PCDHGA4: variants seen among roughly 807,000 people sequenced by gnomAD.
The protein encoded by PCDHGA4 is protocadherin gamma subfamily A, 4, also known as protocadherin gamma-A4.
In PCDHGA4, 38 loss-of-function variants were observed where a neutral mutation model predicts 54.6. The observed-to-expected ratio is 0.70, with a 90% confidence interval of 0.54 to 0.91. The LOEUF (loss-of-function observed/expected upper bound fraction) is 0.91, where lower values mean the gene tolerates loss of function less well. PCDHGA4 is among the 40% of genes least tolerant of loss of function. PCDHGA4 has a pLI of 0.00. For synonymous variants in PCDHGA4, 511 were observed against 512.9 expected, an observed-to-expected ratio of 1.00 and a Z score of 0.05; for missense variants, 1,298 against 1,220.9, an observed-to-expected ratio of 1.06 and a Z score of -0.94.
chr5:141,427,798 T>A, intron 1 of PCDHGA4: 1 of 1,506,550 alleles, frequency 6.6e-7, no homozygotes. Context: ...TACGTGTCCG[T>A]GAGCGCACAG....
intron 1 of PCDHGA4, among the ~76,000 whole-genome samples, chr5:141,380,646 A>T (rs1221627488): frequency 6.6e-6 from 1 of 152,256 alleles, no homozygotes; most frequent in Non-Finnish European, 1.5e-5. Context: ...AATGCTAGAG[A>T]CAATGAAGCC....
rs777856819 is a variant in PCDHGA4, at chr5:141,487,572, T to A, written c.2515-7235T>A. On this transcript the variant is annotated intron_variant, in intron 1 of 3. Coordinates refer to ENST00000571252, the MANE Select transcript of PCDHGA4 (RefSeq NM_018917.4). The surrounding 1 kb of genome is among the most constrained non-coding windows in gnomAD (Gnocchi z 5.0). ...AGTGCACCTATGGCAGGGGAGCCTG[T>A]TCGCCCAAGCTGCCCACCCTCTGAT... 1 of 1,614,168 alleles carries A rather than the reference T, an allele frequency of 6.2e-7. No individual in the cohort carries two copies. Among genetic ancestry groups the A allele is most frequent in the Non-Finnish European group, 8.5e-7 (1 of 1,180,034 alleles).
chr5:141,418,578 CAGTGTT>C, intron 1 of PCDHGA4: 1 of 1,614,040 alleles, frequency 6.2e-7, no homozygotes, highest in African/African-American at 1.3e-5. Flanking sequence ...GACAACCCCC[CAGTGTT>C]CAGCCAGGAC....
At chr5:141,393,650 C>T in intron 1 of PCDHGA4, 2 of 1,613,904 alleles carry the variant, frequency 1.2e-6, no homozygotes, top group South Asian at 1.1e-5. Flanking sequence ...AAGTGGCATA[C>T]AAATTCCGGA....
chr5:141,365,116 C>G (rs1763746744), intron 1 of PCDHGA4: 1 of 1,613,900 alleles, frequency 6.2e-7, no homozygotes, highest in Non-Finnish European at 8.5e-7. Flanking sequence ...CTCGGCTGCT[C>G]ATGCTAACCG....
intron 1 of PCDHGA4, chr5:141,420,339 T>C: frequency 7.2e-7 from 1 of 1,395,458 alleles, no homozygotes; most frequent in Non-Finnish European, 9.6e-7. Context: ...TCCAATATAG[T>C]GGTATTATTT....
chr5:141,359,700 A>T (rs1336602440), intron 1 of PCDHGA4, among the ~76,000 whole-genome samples: 1 of 152,144 alleles, frequency 6.6e-6, no homozygotes, highest in Non-Finnish European at 1.5e-5. Flanking sequence ...CTCCGGAAGG[A>T]TACCTAAGAA....
intron 1 of PCDHGA4, among the ~76,000 whole-genome samples, chr5:141,443,690 A>C (rs2098399415): frequency 6.6e-6 from 1 of 152,224 alleles, no homozygotes; most frequent in Non-Finnish European, 1.5e-5. Flanking sequence ...AACACTTCAA[A>C]AATTATAGAA....
At chr5:141,442,006 G>T (rs540427406) in intron 1 of PCDHGA4, 2 of 229,074 alleles carry the variant, frequency 8.7e-6, no homozygotes, top group South Asian at 4.9e-5. Flanking sequence ...CTGACAGCTC[G>T]CACGATGGGC....
rs1760047628 is a variant in PCDHGA4 at position 141,355,929 on chromosome 5, T to G, written c.822T>G (p.Thr274=). The part of the protein sequence containing the change: ...VDTNDNAPVF[T]QPEYHVSVRE... ...CCAACGATAATGCTCCCGTGTTCAC[T>G]CAGCCCGAGTACCACGTAAGTGTTC... The change falls in exon 1 of 4, where the codon ACT becomes ACG. Residue 274 remains threonine, a synonymous_variant. Transcript: ENST00000571252. 6.2e-7 allele frequency: 1 copy of G among 1,613,900 alleles called. No individual in the cohort carries two copies. Among genetic ancestry groups the G allele is most frequent in the East Asian group, 2.2e-5 (1 of 44,886 alleles).
intron 1 of PCDHGA4, chr5:141,393,221 AG>A (rs1394795238): frequency 1.2e-6 from 2 of 1,613,690 alleles, no homozygotes; most frequent in South Asian, 2.2e-5. Flanking sequence ...TCCAGGTCGA[AG>A]ATCTAGAAGT....
At chr5:141,426,004 C>T (rs573455573) in intron 1 of PCDHGA4, among the ~76,000 whole-genome samples, 10 of 152,264 alleles carry the variant, frequency 6.6e-5, no homozygotes, top group Non-Finnish European at 8.8e-5. Flanking sequence ...CAAAGGCTTC[C>T]GGCTGCAGTT....
At chr5:141,403,631 C>T (rs751580878) in intron 1 of PCDHGA4, 8 of 1,613,912 alleles carry the variant, frequency 5.0e-6, no homozygotes, top group South Asian at 2.2e-5. Context: ...CAGCACAGTG[C>T]GCATCCATGT....
rs1417754081 is a variant in PCDHGA4, at chr5:141,512,046, T to C, written c.*873T>C. 1 of 152,746 alleles carries C rather than the reference T, an allele frequency of 6.5e-6. No individual in the cohort carries two copies. Among genetic ancestry groups the C allele is most frequent in the East Asian group, 1.9e-4 (1 of 5,190 alleles). 9.5% of individuals were successfully genotyped at this position (152,746 alleles called of 1,614,324 possible). Reference sequence around the variant, plus strand: ...GCCTTGGAGGAGGCTCTGTATGTCCTCAGGGGACTGACAACATCCTCCAGA... The same window carrying C: ...GCCTTGGAGGAGGCTCTGTATGTCCCCAGGGGACTGACAACATCCTCCAGA... On this transcript the variant is annotated 3_prime_UTR_variant, in exon 4 of 4. Transcript: ENST00000571252.
At chr5:141,439,029 G>A (rs2098083069) in intron 1 of PCDHGA4, among the ~76,000 whole-genome samples, 1 of 151,510 alleles carries the variant, frequency 6.6e-6, no homozygotes, top group Non-Finnish European at 1.5e-5. Flanking sequence ...GAAAATAGAT[G>A]CCTCAGTTCA....
Position 141,367,081 on chromosome 5 carries a change from A to C in PCDHGA4, c.2514+9460A>C, listed in dbSNP as rs1480866760. On this transcript the variant is annotated intron_variant, in intron 1 of 3. Transcript: ENST00000571252. ...TTTATTTATTCAAATTGTTAGATAT[A>C]TTGTTCTCTTTTGAGTGTCTGCCTA... 5.9e-5 allele frequency: 16 copies of C among 272,890 alleles called. No individual in the cohort carries two copies. The Admixed American group carries it at 7.0e-4, about 12-fold the overall frequency. 16.9% of individuals were successfully genotyped at this position (272,890 alleles called of 1,614,324 possible).
intron 1 of PCDHGA4, chr5:141,361,665 G>C: frequency 1.2e-6 from 2 of 1,613,696 alleles, no homozygotes; most frequent in Non-Finnish European, 1.7e-6. Context: ...TGAGCGCGCA[G>C]AGCGGGGTGG....
At chr5:141,391,868 A>T (rs1269292273) in intron 1 of PCDHGA4, 1 of 152,190 alleles carries the variant, frequency 6.6e-6, no homozygotes, top group Non-Finnish European at 1.5e-5. Context: ...AAATTTAATC[A>T]TCTCTTTGGT....
In PCDHGA4 at chr5:141,357,547, G is replaced by C; in HGVS notation, c.2440G>C (p.Glu814Gln). 6.2e-7 allele frequency: 1 copy of C among 1,614,214 alleles called. No homozygotes were observed. Among genetic ancestry groups the C allele is most frequent in the Non-Finnish European group, 8.5e-7 (1 of 1,180,036 alleles). ...PSYADTLISR[E>Q]SCEKSEPLLI... The stretch of plus-strand genomic sequence containing the variant: ...CTATGCAGACACGCTCATCAGCCGG[G>C]AGAGTTGTGAGAAAAGCGAGCCTCT... Residue 814 changes from glutamate (E) to glutamine (Q), a missense_variant, in exon 1 of 4, where the codon GAG (glutamate) becomes CAG (glutamine). By Grantham distance (29) the Glu-to-Gln change is conservative (BLOSUM62 2). Transcript: ENST00000571252.
Sources: gnomAD v4.1 joint callset for allele counts (sites outside exome capture counted in the v4.1 genomes callset) on GRCh38, gnomAD v4.1.1 for gene constraint, Gnocchi (gnomAD v3.1) non-coding constraint, MANE v1.5 for transcripts, NCBI Gene and HGNC (gene_info 2026-07-23, HGNC 2026-07-21) for gene names.